The following ATR variants were observed in gnomAD, a reference collection of about 807,000 sequenced individuals.
ATR encodes the protein ATR checkpoint kinase.
In ATR, 142 loss-of-function variants were observed where a neutral mutation model predicts 305.3. The observed-to-expected ratio is 0.47, with a 90% CI of 0.41 to 0.53. The LOEUF (loss-of-function observed/expected upper bound fraction) is 0.53, where lower values mean the gene tolerates loss of function less well. Ranked by LOEUF, ATR falls within the 20% of genes least tolerant of loss-of-function variation. The pLI is 0.00. For synonymous variants in ATR, 1,050 were observed against 1,068.1 expected, an observed-to-expected ratio of 0.98 and a Z score of 0.33; for missense variants, 2,135 against 3,133.1, an observed-to-expected ratio of 0.68 and a Z score of 7.60.
chr3:142,576,456 G>T (rs1163910158), intron 1 of ATR, among the ~76,000 whole-genome samples: 1 of 152,156 alleles, frequency 6.6e-6, no homozygotes, highest in Non-Finnish European at 1.5e-5. Flanking sequence ...TTAAAAGAGG[G>T]CCAAGGACAT....
intron 46 of ATR, chr3:142,451,379 C>G (rs775209662): frequency 7.1e-7 from 1 of 1,413,904 alleles, no homozygotes; most frequent in Non-Finnish European, 9.4e-7. Flanking sequence ...ACATACATAA[C>G]ATGGGTATTG....
rs1430130909 is a variant in ATR at position 142,459,266 on chromosome 3, T to C, written c.7310A>G (p.His2437Arg). ...AGGGAATGTTCTCAGAAACCACTCA[T>C]GAAAAATAGGAGGATGCCTGGGCAG... ...FLLPRHPPIF[H>R]EWFLRTFPDP... The change falls in exon 43 of 47, where the codon CAT becomes CGT. Residue 2437 changes from histidine (H) to arginine (R), a missense_variant. His to Arg is a conservative substitution (Grantham distance 29). This residue lies in a region of ATR where 462 missense variants were observed against 887.6 expected (regional missense o/e 0.52). Transcript: ENST00000350721. 6.8e-6 allele frequency: 11 copies of C among 1,614,008 alleles called. No individual in the cohort carries two copies. The highest frequency in any genetic ancestry group is 1.3e-5 in the African/African-American group (1 of 75,054).
chr3:142,451,255 G>C, intron 46 of ATR: 15 of 1,201,478 alleles, frequency 1.2e-5, no homozygotes, highest in Non-Finnish European at 1.6e-5. Flanking sequence ...TCCAGCTGTG[G>C]GACTGGCTAG....
chr3:142,519,659 G>C lies in ATR; in HGVS notation c.4382+10C>G. 2 of 1,573,976 alleles carry C rather than the reference G, an allele frequency of 1.3e-6. No homozygotes were observed. The highest frequency in any genetic ancestry group is 1.1e-5 in the South Asian group (1 of 90,028). On this transcript the variant is annotated intron_variant, in intron 24 of 46. Coordinates refer to ENST00000350721, the MANE Select transcript of ATR (RefSeq NM_001184.4). ...AATTTTATGAAAATACATTAAATAA[G>C]CCTACATACCTGGTATTTAGATGAG...
chr3:142,562,177 C>T, intron 4 of ATR, 55 bp downstream of exon 4: 18 of 1,572,418 alleles, frequency 1.1e-5, no homozygotes, highest in Non-Finnish European at 1.3e-5. Flanking sequence ...CATATGTATA[C>T]AATTAAATGA....
At chr3:142,486,959 CAAAAAAAAAAAA>C (rs60024459) in intron 35 of ATR, among the ~76,000 whole-genome samples, 1,120 of 69,736 alleles carry the variant, frequency 0.016, 11 homozygotes, top group Admixed American at 0.021. Context: ...ACTAAAAATA[CAAAAAAAAAAAA>C]AAAAAAAAAA....
At chr3:142,478,053 T>C (rs1034863765) in intron 36 of ATR, among the ~76,000 whole-genome samples, 1 of 152,226 alleles carries the variant, frequency 6.6e-6, no homozygotes, top group Non-Finnish European at 1.5e-5. Flanking sequence ...CCTGGATTCA[T>C]TGATTTTGTG....
intron 21 of ATR, among the ~76,000 whole-genome samples, chr3:142,534,298 T>C (rs1011339627): frequency 6.6e-6 from 1 of 152,116 alleles, no homozygotes; most frequent in Non-Finnish European, 1.5e-5. Context: ...TCCTCCCCTC[T>C]GTTGGGATCA....
At chr3:142,474,963 A>C (rs1342393902) in intron 36 of ATR, among the ~76,000 whole-genome samples, 27 of 152,132 alleles carry the variant, frequency 1.8e-4, no homozygotes, top group Non-Finnish European at 2.9e-5. Flanking sequence ...TTTAAAAAAC[A>C]AAGGAATGAA....
At chr3:142,516,669 A>G (rs2032873021) in intron 24 of ATR, among the ~76,000 whole-genome samples, 2 of 152,168 alleles carry the variant, frequency 1.3e-5, no homozygotes, top group South Asian at 2.1e-4. Context: ...TGTTCCATCC[A>G]TTATTTTATC....
chr3:142,541,433 T>G (rs932011093), intron 17 of ATR, among the ~76,000 whole-genome samples: 1 of 152,182 alleles, frequency 6.6e-6, no homozygotes, highest in Non-Finnish European at 1.5e-5. Flanking sequence ...ATATAACAAT[T>G]TTTGTAGTAA....
intron 21 of ATR, among the ~76,000 whole-genome samples, chr3:142,526,248 T>G (rs2033382921): frequency 6.6e-6 from 1 of 152,204 alleles, no homozygotes; most frequent in African/African-American, 2.4e-5. Context: ...AAGTTAGTTT[T>G]ATCAGTAATT....
At position 142,454,330 on chromosome 3, in the gene ATR, G is replaced by A. The variant is rs528835539; in HGVS notation, c.7656-1097C>T. On this transcript the variant is annotated intron_variant, in intron 45 of 46. Transcript: ENST00000350721. ...TTCTTGACTGACCCAGACTAACACA[G>A]GGGCTCTTGGTAACTGTTCCACATG... Among the ~76,000 whole-genome samples the A allele has an allele frequency of 2.6e-5, 4 of 152,182 alleles. No homozygotes were observed. The South Asian group carries it at 8.3e-4, about 32-fold the overall frequency.
chr3:142,512,345 T>C lies in ATR; in HGVS notation c.4767A>G (p.Thr1589=). 2 of 1,613,876 alleles carry C rather than the reference T, an allele frequency of 1.2e-6. No individual in the cohort carries two copies. Among genetic ancestry groups the C allele is most frequent in the Non-Finnish European group, 1.7e-6 (2 of 1,179,964 alleles). Residue 1589 remains threonine, a synonymous_variant, in exon 27 of 47, where the codon ACA becomes ACG. Transcript: ENST00000350721. ...QTVFSMLDHL[T]QWARHKFQAL... ...CCTGAAATTTGTGCCTTGCCCACTG[T>C]GTGAGATGGTCAAGCATGGAGAACA...
chr3:142,573,075 A>G (rs1039482970), intron 1 of ATR, among the ~76,000 whole-genome samples: 1 of 152,206 alleles, frequency 6.6e-6, no homozygotes, highest in African/African-American at 2.4e-5. Context: ...TGCCTCTGCT[A>G]CATCACCTAG....
chr3:142,565,471 T>C (rs1421484467), intron 3 of ATR, among the ~76,000 whole-genome samples: 2 of 150,972 alleles, frequency 1.3e-5, no homozygotes, highest in South Asian at 2.1e-4. Flanking sequence ...ATATATAGAA[T>C]AGCGGTCAGC....
chr3:142,527,513 T>C (rs1170636226), intron 21 of ATR, among the ~76,000 whole-genome samples: 1 of 152,202 alleles, frequency 6.6e-6, no homozygotes, highest in Admixed American at 6.5e-5. Context: ...AAGTAGTCTC[T>C]TGTGATTTTT....
intron 15 of ATR, among the ~76,000 whole-genome samples, chr3:142,548,617 C>T (rs573023171): frequency 9.4e-4 from 141 of 149,888 alleles, no homozygotes; most frequent in African/African-American, 3.3e-3. Context: ...TGCAGTGAGC[C>T]GAGATCGTGC....
chr3:142,526,510 T>TACTATAC (rs2033394561), intron 21 of ATR, among the ~76,000 whole-genome samples: 1 of 151,920 alleles, frequency 6.6e-6, no homozygotes, highest in African/African-American at 2.4e-5. Flanking sequence ...TGTATATATG[T>TACTATAC]ACTATGTATA....
Sources: gnomAD v4.1 joint callset for allele counts (sites outside exome capture counted in the v4.1 genomes callset) on GRCh38, gnomAD v4.1.1 for gene constraint, gnomAD v4.1.1 regional missense constraint, MANE v1.5 for transcripts, NCBI Gene and HGNC (gene_info 2026-07-23, HGNC 2026-07-21) for gene names.